Variants in TPP2 observed in about 807,000 individuals in gnomAD.
TPP2 encodes tripeptidyl-peptidase 2.
In TPP2, 34 loss-of-function variants were observed where a neutral mutation model predicts 155.9. The observed-to-expected ratio is 0.22, with a 90% confidence interval of 0.17 to 0.29. The LOEUF (loss-of-function observed/expected upper bound fraction) is 0.29. Ranked by LOEUF, TPP2 falls within the 10% of genes least tolerant of loss-of-function variation. The probability of loss-of-function intolerance (pLI) is 1.00; values close to 1 mark genes in which losing one functional copy is unlikely to be tolerated. For synonymous variants in TPP2, 510 were observed against 529.4 expected, an observed-to-expected ratio of 0.96 and a Z score of 0.50; for missense variants, 1,028 against 1,522.3, an observed-to-expected ratio of 0.68 and a Z score of 5.40.
chr13:102,624,674 C>G (rs1881433558), intron 6 of TPP2, among the ~76,000 whole-genome samples: 1 of 152,144 alleles, frequency 6.6e-6, no homozygotes, highest in East Asian at 1.9e-4. Flanking sequence ...AAAGCTGGCT[C>G]TTTATTTCTG....
chr13:102,642,205 C>T, intron 16 of TPP2, among the ~76,000 whole-genome samples: 1 of 152,178 alleles, frequency 6.6e-6, no homozygotes, highest in Non-Finnish European at 1.5e-5. Flanking sequence ...TACGCTCACA[C>T]TTGACAGTAC....
rs1879006872 is a variant in TPP2, at chr13:102,597,107, C to G, written c.69C>G (p.Ala23=). The G allele has an allele frequency of 1.2e-6, 2 of 1,611,298 alleles. No homozygotes were observed. The highest frequency in any genetic ancestry group is 1.7e-6 in the Non-Finnish European group (2 of 1,179,204). The stretch of plus-strand genomic sequence containing the variant: ...TCCTGCCGAAGAAGGAGACCGGAGC[C>G]GCCTCCTTCCTCTGCCGCTACCCGG... ...HGLLPKKETG[A]ASFLCRYPEY... Residue 23 remains alanine (A), a synonymous_variant, in exon 1 of 30, where the codon GCC becomes GCG. Coordinates refer to ENST00000376052, the MANE Select transcript of TPP2 (RefSeq NM_001330588.2).
chr13:102,664,997 A>G, intron 27 of TPP2, 72 bp downstream of exon 27: 2 of 1,548,422 alleles, frequency 1.3e-6, no homozygotes, highest in Non-Finnish European at 1.8e-6. Flanking sequence ...AGGGACTAAT[A>G]TTATAGAGGA....
At chr13:102,610,526 A>AT (rs1880216692) in intron 2 of TPP2, among the ~76,000 whole-genome samples, 1 of 152,282 alleles carries the variant, frequency 6.6e-6, no homozygotes, top group South Asian at 2.1e-4. Flanking sequence ...CACCGCGCCC[A>AT]GCTGTCATGC....
At chr13:102,605,788 A>G (rs1879780447) in intron 2 of TPP2, among the ~76,000 whole-genome samples, 1 of 150,858 alleles carries the variant, frequency 6.6e-6, no homozygotes. Context: ...CAGTGGTGCA[A>G]TCTTGGCTCA....
intron 1 of TPP2, among the ~76,000 whole-genome samples, chr13:102,603,868 G>C (rs895072818): frequency 4.4e-4 from 37 of 84,542 alleles, no homozygotes; most frequent in African/African-American, 3.3e-3. Context: ...GAAACTGAGG[G>C]ACCACTTAGG....
At chr13:102,607,581 C>T (rs576790061) in intron 2 of TPP2, 2 of 391,866 alleles carry the variant, frequency 5.1e-6, no homozygotes, top group Admixed American at 5.5e-5. Flanking sequence ...ATTACTCGAG[C>T]ATTTATTTAT....
rs1029807457 is a variant in TPP2, at chr13:102,678,417, A to G, written c.*101A>G. The G allele has an allele frequency of 3.5e-6, 3 of 854,922 alleles. No homozygotes were observed. Among genetic ancestry groups the G allele is most frequent in the Non-Finnish European group, 5.5e-6 (3 of 541,240 alleles). 53.0% of individuals were successfully genotyped at this position (854,922 alleles called of 1,614,324 possible). A position where few individuals can be genotyped will look rare whatever the true frequency, so the allele number is the denominator to read the frequency against. The stretch of plus-strand genomic sequence containing the variant: ...TTTAGTCTAATGCATGTTTTCATCC[A>G]CTATCCAGTACTGATTATTAAAATG... On this transcript the variant is annotated 3_prime_UTR_variant, in exon 30 of 30. Coordinates refer to ENST00000376052, the MANE Select transcript of TPP2 (RefSeq NM_001330588.2).
chr13:102,638,393 A>G (rs1882531790), intron 15 of TPP2, 78 bp downstream of exon 15: 2 of 1,412,940 alleles, frequency 1.4e-6, no homozygotes, highest in East Asian at 2.3e-5. Flanking sequence ...TGGACTTTTA[A>G]TGATCACTAA....
At chr13:102,619,245 CTAA>C (rs1408992039) in intron 5 of TPP2, among the ~76,000 whole-genome samples, 1 of 152,090 alleles carries the variant, frequency 6.6e-6, no homozygotes, top group African/African-American at 2.4e-5. Context: ...ATTACTAAAA[CTAA>C]TAATAATAAT....
chr13:102,668,996 C>T (rs113786726), intron 27 of TPP2, among the ~76,000 whole-genome samples: 1 of 152,244 alleles, frequency 6.6e-6, no homozygotes, highest in African/African-American at 2.4e-5. Context: ...TGGTTTGATG[C>T]CTCGTGCTGG....
intron 29 of TPP2, 82 bp downstream of exon 29, chr13:102,676,497 T>C (rs756658626): frequency 2.2e-5 from 33 of 1,515,152 alleles, no homozygotes; most frequent in Non-Finnish European, 3.0e-5. Flanking sequence ...ATTAGGACTG[T>C]GATATAGCAA....
chr13:102,611,790 C>T (rs1002497464), intron 2 of TPP2, among the ~76,000 whole-genome samples: 3 of 152,174 alleles, frequency 2.0e-5, no homozygotes, highest in African/African-American at 4.8e-5. Context: ...CTAGAATTCA[C>T]CTGGAAGTGA....
At chr13:102,609,539 A>G (rs1880114756) in intron 2 of TPP2, among the ~76,000 whole-genome samples, 1 of 151,578 alleles carries the variant, frequency 6.6e-6, no homozygotes, top group African/African-American at 2.4e-5. Flanking sequence ...CTGGGATTAC[A>G]GGTGTCTGCC....
At position 102,635,717 on chromosome 13, in the gene TPP2, A is replaced by G. The variant is rs1011334024; in HGVS notation, c.1509+15A>G. The G allele has an allele frequency of 1.3e-6, 2 of 1,579,614 alleles. No individual in the cohort carries two copies. Among genetic ancestry groups the G allele is most frequent in the East Asian group, 2.2e-5 (1 of 44,674 alleles). On this transcript the variant is annotated intron_variant, in intron 12 of 29. Coordinates refer to ENST00000376052, the MANE Select transcript of TPP2 (RefSeq NM_001330588.2). ...GTATTATTCAGGTATTGTTGCCTAT[A>G]TGAAAAATGGGTTGTAAAGCATCAT...
At chr13:102,667,301 C>T (rs1039034570) in intron 27 of TPP2, among the ~76,000 whole-genome samples, 1 of 152,106 alleles carries the variant, frequency 6.6e-6, no homozygotes, top group African/African-American at 2.4e-5. Flanking sequence ...AATTAAGTTG[C>T]TTCCTAAAAT....
At chr13:102,659,880 A>G (rs979293873) in intron 25 of TPP2, among the ~76,000 whole-genome samples, 2 of 152,232 alleles carry the variant, frequency 1.3e-5, no homozygotes, top group African/African-American at 2.4e-5. Context: ...TATTGTGTAT[A>G]TATTAGGCCT....
rs1743657860 is a variant in TPP2 at position 102,636,453 on chromosome 13, CATA to C, written c.1678+66_1678+68del. 3 of 1,534,832 alleles carry C rather than the reference CATA, an allele frequency of 2.0e-6. No homozygotes were observed. In the African/African-American group the frequency reaches 4.1e-5, roughly 21 times the overall value. On this transcript the variant is annotated intron_variant, in intron 13 of 29. Coordinates refer to ENST00000376052, the MANE Select transcript of TPP2 (RefSeq NM_001330588.2). ...CATTTGCTGTTTGAATGAGTGGTAT[CATA>C]ATAAAGAATTGCTGTTTGGGCCAGT...
At chr13:102,651,478 T>C in intron 24 of TPP2, 81 bp downstream of exon 24, 3 of 1,342,524 alleles carry the variant, frequency 2.2e-6, no homozygotes, top group Non-Finnish European at 3.1e-6. Context: ...ATTATAAACC[T>C]TTTTTTTAAT....
Sources: allele counts gnomAD v4.1 joint callset (sites outside exome capture counted in the v4.1 genomes callset), GRCh38; gene constraint gnomAD v4.1.1; transcripts MANE v1.5; gene names NCBI Gene and HGNC (gene_info 2026-07-23, HGNC 2026-07-21).